NDEL1: variants seen among roughly 807,000 people sequenced by gnomAD.
The protein encoded by NDEL1 is nuclear distribution protein nudE-like 1.
In NDEL1, 9 loss-of-function variants were observed where a neutral mutation model predicts 45.7. That is an observed-to-expected ratio of 0.20 (90% confidence interval 0.12 to 0.34). NDEL1 has a LOEUF of 0.34. Ranked by LOEUF, NDEL1 falls within the 10% of genes least tolerant of loss-of-function variation. The pLI is 1.00. For synonymous variants in NDEL1, 133 were observed against 158.6 expected (o/e 0.84, Z 1.21); for missense variants, 306 against 406.2 (o/e 0.75, Z 2.12).
chr17:8,426,605 C>T (rs764790399), intron 1 of NDEL1, among the ~76,000 whole-genome samples: 2 of 152,002 alleles, frequency 1.3e-5, no homozygotes, highest in African/African-American at 2.4e-5. Flanking sequence ...GTCACGTGGT[C>T]GGGATGAGAG....
chr17:8,438,762 C>A (rs966123017), intron 1 of NDEL1, among the ~76,000 whole-genome samples: 1 of 151,834 alleles, frequency 6.6e-6, no homozygotes, highest in East Asian at 1.9e-4. Context: ...CTGACATTCC[C>A]ACCTCAGCCT....
At chr17:8,437,220 C>G (rs1909409739) in intron 1 of NDEL1, among the ~76,000 whole-genome samples, 2 of 152,288 alleles carry the variant, frequency 1.3e-5, no homozygotes, top group South Asian at 2.1e-4. Context: ...AGTATTTCTT[C>G]TGAATTATTA....
Position 8,415,427 on chromosome 17 carries a change from C to CATTTATTTATTTATTTATTTATTT in NDEL1, c.-13+2160_-13+2183dup, listed in dbSNP as rs111333617. Reference sequence around the variant, plus strand: ...TTTTTTTGCCACTTTATAGTTTTAACATTTATTTATTTATTTATTTATTTA... The same window carrying CATTTATTTATTTATTTATTTATTT: ...TTTTTTTGCCACTTTATAGTTTTAACATTTATTTATTTATTTATTTATTTATTTATTTATTTATTTATTTATTTA... On this transcript the variant is annotated intron_variant, in intron 1 of 4. Transcript: ENST00000582812. Among the ~76,000 whole-genome samples the CATTTATTTATTTATTTATTTATTT allele has an allele frequency of 9.6e-3, 1,423 of 148,128 alleles. 33 individuals carry two copies. Among genetic ancestry groups the CATTTATTTATTTATTTATTTATTT allele is most frequent in the African/African-American group, 0.033 (1,330 of 39,848 alleles).
At chr17:8,466,711 A>C (rs751068055) in intron 8 of NDEL1, 2 of 574,022 alleles carry the variant, frequency 3.5e-6, no homozygotes, top group Non-Finnish European at 3.1e-6. Flanking sequence ...GCAGTTGCCA[A>C]ACAGGTCATG....
chr17:8,447,039 A>T lies in NDEL1; in HGVS notation c.389+137A>T, dbSNP rs1040576334. ...TTTCATGTCACCTGTAACTCATCGG[A>T]CGGAAGGGAACCCCAAATCCTCATC... On this transcript the variant is annotated intron_variant, in intron 4 of 8. Coordinates refer to ENST00000334527, the MANE Select transcript of NDEL1 (RefSeq NM_030808.5). 1.0e-5 allele frequency: 11 copies of T among 1,058,994 alleles called. No individual in the cohort carries two copies. The African/African-American group carries it at 1.8e-4, about 17-fold the overall frequency. 65.6% of individuals were successfully genotyped at this position (1,058,994 alleles called of 1,614,324 possible).
chr17:8,443,923 G>T (rs753501504), intron 1 of NDEL1: 15 of 173,042 alleles, frequency 8.7e-5, no homozygotes, highest in Non-Finnish European at 1.6e-4. Flanking sequence ...CTCCCGATTC[G>T]CAGAAGACCA....
downstream of NDEL1, among the ~76,000 whole-genome samples, chr17:8,472,526 C>G (rs1349305236): frequency 2.0e-5 from 3 of 152,028 alleles, no homozygotes; most frequent in Admixed American, 2.0e-4. Flanking sequence ...TTAGCCAGGC[C>G]TGGTGGCGGG....
upstream of NDEL1, among the ~76,000 whole-genome samples, chr17:8,432,347 A>AATATATATATATTAT: frequency 9.6e-4 from 56 of 58,384 alleles, 1 homozygote; most frequent in Non-Finnish European, 1.1e-3. Context: ...ATTATATATA[A>AATATATATATATTAT]ATATAAATAT....
intron 1 of NDEL1, among the ~76,000 whole-genome samples, chr17:8,421,519 G>C (rs1242388866): frequency 1.3e-5 from 2 of 152,160 alleles, no homozygotes; most frequent in Non-Finnish European, 2.9e-5. Context: ...AGCTGGAGGA[G>C]GCAAGAAACT....
At chr17:8,446,053 A>G (rs1910060909) in intron 3 of NDEL1, 189 bp downstream of exon 3, 1 of 436,668 alleles carries the variant, frequency 2.3e-6, no homozygotes, top group African/African-American at 2.1e-5. Context: ...TTAGGAGTTC[A>G]CTTAGAAACT....
intron 7 of NDEL1, among the ~76,000 whole-genome samples, chr17:8,458,471 C>T (rs896294836): frequency 6.6e-6 from 1 of 151,928 alleles, no homozygotes; most frequent in Non-Finnish European, 1.5e-5. Flanking sequence ...GTTGTGCCTG[C>T]CGTGTGATAG....
At chr17:8,460,222 A>T in intron 8 of NDEL1, 62 bp downstream of exon 8, 2 of 1,520,574 alleles carry the variant, frequency 1.3e-6, no homozygotes, top group East Asian at 4.7e-5. Flanking sequence ...TTAGTAAGTG[A>T]GCATAATGAA....
intron 8 of NDEL1, chr17:8,466,711 A>G (rs751068055): frequency 1.7e-6 from 1 of 574,022 alleles, no homozygotes; most frequent in Non-Finnish European, 3.1e-6. Flanking sequence ...GCAGTTGCCA[A>G]ACAGGTCATG....
chr17:8,424,481 TTTTTG>T (rs1156627257), intron 1 of NDEL1, among the ~76,000 whole-genome samples: 6 of 152,114 alleles, frequency 3.9e-5, no homozygotes, highest in Non-Finnish European at 7.4e-5. Flanking sequence ...GCACCTTTGT[TTTTTG>T]TTTTGTTTTG....
At chr17:8,468,479 G>A (rs572905010), downstream of NDEL1, among the ~76,000 whole-genome samples, 9 of 152,364 alleles carry the variant, frequency 5.9e-5, no homozygotes, top group South Asian at 2.1e-4. Context: ...GGATGGATCC[G>A]GGACCTGGTC....
chr17:8,435,028 C>T (rs1399006728), upstream of NDEL1, among the ~76,000 whole-genome samples: 1 of 151,932 alleles, frequency 6.6e-6, no homozygotes, highest in Non-Finnish European at 1.5e-5. Context: ...CGAGATCGCG[C>T]CACTGCACTC....
intron 1 of NDEL1, among the ~76,000 whole-genome samples, chr17:8,442,877 C>T (rs993271239): frequency 6.6e-6 from 1 of 151,432 alleles, no homozygotes; most frequent in Admixed American, 6.6e-5. Context: ...GCAAGCTCCG[C>T]CTCCCGGGTT....
chr17:8,463,391 T>C, intron 8 of NDEL1: 1 of 1,597,714 alleles, frequency 6.3e-7, no homozygotes. Flanking sequence ...TTTTCATTCT[T>C]TCTTAATCCT....
At chr17:8,433,346 C>T (rs1472808254), upstream of NDEL1, among the ~76,000 whole-genome samples, 2 of 152,172 alleles carry the variant, frequency 1.3e-5, no homozygotes, top group African/African-American at 4.8e-5. Context: ...AACAAGATTA[C>T]TTTTTTTCCT....
Sources: gnomAD v4.1 joint callset for allele counts (sites outside exome capture counted in the v4.1 genomes callset) on GRCh38, gnomAD v4.1.1 for gene constraint, MANE v1.5 for transcripts, NCBI Gene and HGNC (gene_info 2026-07-23, HGNC 2026-07-21) for gene names.